Variants in RPH3AL observed in about 807,000 individuals in gnomAD.
RPH3AL encodes rabphilin 3A like (without C2 domains).
In RPH3AL, 38 loss-of-function variants were observed where a neutral mutation model predicts 43.1. That is an observed-to-expected ratio of 0.88 (90% CI 0.68 to 1.15). The LOEUF is 1.15. Ranked by LOEUF, RPH3AL falls within the 50% of genes most tolerant of loss-of-function variation. The pLI is 0.00. For synonymous variants in RPH3AL, 189 were observed against 176.3 expected (o/e 1.07, Z -0.57); for missense variants, 462 against 423.2 (o/e 1.09, Z -0.81).
intron 6 of RPH3AL, among the ~76,000 whole-genome samples, chr17:258,891 G>A (rs2042134565): frequency 6.6e-6 from 1 of 151,480 alleles, no homozygotes; most frequent in South Asian, 2.1e-4. Context: ...CTCCCGAGTA[G>A]CCAGGACCAC....
chr17:329,818 T>C (rs1186604709), intron 2 of RPH3AL, among the ~76,000 whole-genome samples: 1 of 152,234 alleles, frequency 6.6e-6, no homozygotes, highest in Non-Finnish European at 1.5e-5. Flanking sequence ...CCCTCACAAA[T>C]ACGTATGATG....
rs374237746 is a variant in RPH3AL, at chr17:255,987, T to C, written c.439-8702A>G. Reference sequence around the variant, plus strand: ...CCTACGTACTTCCTATGAGGGGAGCTGCACGGTGTCTGTCCTTTTCCATCC... The same window carrying C: ...CCTACGTACTTCCTATGAGGGGAGCCGCACGGTGTCTGTCCTTTTCCATCC... On this transcript the variant is annotated intron_variant, in intron 6 of 9. Coordinates refer to ENST00000331302, the MANE Select transcript of RPH3AL (RefSeq NM_006987.4). Among the ~76,000 whole-genome samples the C allele has an allele frequency of 5.5e-3, 296 of 53,740 alleles. 1 individual carries two copies. Among genetic ancestry groups the C allele is most frequent in the East Asian group, 0.021 (28 of 1,360 alleles). 35.3% of individuals were successfully genotyped at this position (53,740 alleles called of 152,430 possible).
At chr17:312,737 C>A (rs1470946253) in intron 5 of RPH3AL, among the ~76,000 whole-genome samples, 2 of 152,346 alleles carry the variant, frequency 1.3e-5, no homozygotes, top group East Asian at 1.9e-4. Context: ...AGCTTAATGA[C>A]CCCATTTTAC....
chr17:268,770 C>T (rs1164232290), intron 6 of RPH3AL, among the ~76,000 whole-genome samples: 1 of 151,970 alleles, frequency 6.6e-6, no homozygotes, highest in African/African-American at 2.4e-5. Context: ...CGCCATGTTA[C>T]CCAGACTGGT....
intron 7 of RPH3AL, among the ~76,000 whole-genome samples, chr17:234,878 T>C (rs1003426793): frequency 2.6e-5 from 4 of 152,198 alleles, no homozygotes; most frequent in Non-Finnish European, 5.9e-5. Context: ...GAAGGCGGCA[T>C]AGCAGCAGCT....
chr17:228,558 A>G (rs1022958531), intron 7 of RPH3AL, among the ~76,000 whole-genome samples: 1 of 152,094 alleles, frequency 6.6e-6, no homozygotes, highest in African/African-American at 2.4e-5. Context: ...GCCCAGGCCA[A>G]CCTCGCAGGT....
At chr17:317,500 G>A (rs1433547666) in intron 5 of RPH3AL, among the ~76,000 whole-genome samples, 1 of 143,926 alleles carries the variant, frequency 6.9e-6, no homozygotes, top group South Asian at 2.2e-4. Flanking sequence ...CCATTGACCT[G>A]TAGTCCCTGT....
intron 7 of RPH3AL, among the ~76,000 whole-genome samples, chr17:238,270 AAGAG>A (rs974205731): frequency 4.6e-5 from 7 of 151,616 alleles, no homozygotes; most frequent in African/African-American, 7.2e-5. Flanking sequence ...GAAAGAGAAA[AAGAG>A]AGAGAGAGAA....
intron 2 of RPH3AL, chr17:333,000 C>A (rs1442861218): frequency 7.8e-7 from 1 of 1,284,790 alleles, no homozygotes; most frequent in Non-Finnish European, 1.0e-6. Flanking sequence ...GACAGAGGCT[C>A]ATCAGCCCCA....
chr17:314,214 T>C (rs567019581), intron 5 of RPH3AL, among the ~76,000 whole-genome samples: 95 of 152,282 alleles, frequency 6.2e-4, no homozygotes, highest in Non-Finnish European at 1.2e-3. Flanking sequence ...TCTGTGCCTC[T>C]TCATGGTCCC....
intron 2 of RPH3AL, chr17:331,664 G>A (rs771233273): frequency 3.0e-5 from 39 of 1,287,792 alleles, no homozygotes; most frequent in African/African-American, 1.4e-4. Flanking sequence ...TCCCTGACTC[G>A]GCAGCAAGGA....
At chr17:249,190 T>C (rs1203221729) in intron 6 of RPH3AL, among the ~76,000 whole-genome samples, 1 of 151,724 alleles carries the variant, frequency 6.6e-6, no homozygotes, top group Non-Finnish European at 1.5e-5. Flanking sequence ...TCAGGAGGGG[T>C]GGGAGCCTGT....
At chr17:297,991 ACCGGCCTTGCCAAGCCCAC>A (rs2043224295) in intron 5 of RPH3AL, among the ~76,000 whole-genome samples, 1 of 151,998 alleles carries the variant, frequency 6.6e-6, no homozygotes, top group African/African-American at 2.4e-5. Context: ...TCCTGTCCCC[ACCGGCCTTGCCAAGCCCAC>A]CACGCCAGCC....
intron 1 of RPH3AL, among the ~76,000 whole-genome samples, chr17:340,368 C>CCCCGGGCCCAGG: frequency 1.3e-5 from 2 of 149,218 alleles, no homozygotes; most frequent in African/African-American, 2.5e-5. Context: ...ACACTCACTG[C>CCCCGGGCCCAGG]CCTGGGCTCA....
chr17:250,961 A>C (rs1415502262), intron 6 of RPH3AL, among the ~76,000 whole-genome samples: 1 of 152,254 alleles, frequency 6.6e-6, no homozygotes, highest in African/African-American at 2.4e-5. Context: ...GTTATCCCAG[A>C]GGGCAAAAGA....
chr17:241,727 T>TC (rs971697716), intron 7 of RPH3AL, among the ~76,000 whole-genome samples: 2 of 150,780 alleles, frequency 1.3e-5, no homozygotes, highest in African/African-American at 2.4e-5. Flanking sequence ...TTTTCTTTTT[T>TC]TTTTTTTTTG....
At position 245,211 on chromosome 17, in the gene RPH3AL, G is replaced by A. The variant is rs1025891787; in HGVS notation, c.613+1900C>T. ...TCTGTGTGTGTGGATGTGAGCGTGTGTGTCCATGTGGATGTGTGTGTGCGT... is the reference window on the plus strand; with the variant it reads ...TCTGTGTGTGTGGATGTGAGCGTGTATGTCCATGTGGATGTGTGTGTGCGT... On this transcript the variant is annotated intron_variant, in intron 7 of 9. Coordinates refer to ENST00000331302, the MANE Select transcript of RPH3AL (RefSeq NM_006987.4). This position sits in a 1 kb window ranked among gnomAD's most constrained non-coding sequence, Gnocchi z 5.9. Among the ~76,000 whole-genome samples the A allele has an allele frequency of 1.3e-5, 2 of 151,484 alleles. No homozygotes were observed. Among genetic ancestry groups the A allele is most frequent in the Non-Finnish European group, 2.9e-5 (2 of 67,866 alleles).
intron 5 of RPH3AL, among the ~76,000 whole-genome samples, chr17:292,820 C>G (rs2043077736): frequency 6.6e-6 from 1 of 152,238 alleles, no homozygotes; most frequent in African/African-American, 2.4e-5. Flanking sequence ...CGGGGGCCAG[C>G]AGCGCTGGGA....
At chr17:270,797 A>G (rs538098618) in intron 6 of RPH3AL, among the ~76,000 whole-genome samples, 2 of 151,980 alleles carry the variant, frequency 1.3e-5, no homozygotes, top group Non-Finnish European at 2.9e-5. Context: ...CCATTTGTCT[A>G]TTTTGGCTTT....
Sources: allele counts gnomAD v4.1 joint callset (sites outside exome capture counted in the v4.1 genomes callset), GRCh38; gene constraint gnomAD v4.1.1; non-coding constraint Gnocchi (gnomAD v3.1); transcripts MANE v1.5; gene names NCBI Gene and HGNC (gene_info 2026-07-23, HGNC 2026-07-21).